Variants in WDR70 observed in about 807,000 individuals in gnomAD.
The protein encoded by WDR70 is WD repeat domain 70.
Under a neutral mutation model 88.6 loss-of-function variants are expected in WDR70, and 53 were observed. The observed-to-expected ratio is 0.60, with a 90% CI of 0.48 to 0.75. The LOEUF (loss-of-function observed/expected upper bound fraction) is 0.75, where lower values mean the gene tolerates loss of function less well. WDR70 is among the 30% of genes least tolerant of loss of function. The pLI is 0.00. For missense variants in WDR70, 610 were observed against 823.2 expected, an observed-to-expected ratio of 0.74 and a Z score of 3.17; for synonymous variants, 280 against 270.0, an observed-to-expected ratio of 1.04 and a Z score of -0.36.
intron 8 of WDR70, chr5:37,506,102 A>G (rs2112231225): frequency 8.4e-7 from 1 of 1,187,702 alleles, no homozygotes; most frequent in African/African-American, 1.5e-5. Context: ...AAAGATTTGC[A>G]TGTGCAAGAT....
At chr5:37,390,487 C>T (rs1475955747) in intron 3 of WDR70, among the ~76,000 whole-genome samples, 9 of 151,434 alleles carry the variant, frequency 5.9e-5, no homozygotes, top group Non-Finnish European at 7.4e-5. Context: ...CTACAGGCGC[C>T]GGCCACTACG....
intron 7 of WDR70, among the ~76,000 whole-genome samples, 155 bp downstream of exon 7, chr5:37,443,527 A>G (rs1364199638): frequency 6.6e-5 from 10 of 152,248 alleles, no homozygotes; most frequent in Non-Finnish European, 1.2e-4. Flanking sequence ...TAAATGAAGT[A>G]AAACGAGCCT....
At chr5:37,649,733 C>CTTTTTTTTT (rs70978834) in intron 10 of WDR70, among the ~76,000 whole-genome samples, 691 of 68,738 alleles carry the variant, frequency 0.01, 72 homozygotes, top group African/African-American at 0.016. Context: ...GTTATTACTT[C>CTTTTTTTTT]TTTTTTTTTT....
At position 37,379,622 on chromosome 5, in the gene WDR70, T is replaced by TCTCC. The variant is rs1748359162; in HGVS notation, c.91+68_91+69insCTCC. 6 of 1,551,202 alleles carry TCTCC rather than the reference T, an allele frequency of 3.9e-6. No individual in the cohort carries two copies. In the East Asian group the frequency reaches 1.4e-4, roughly 35 times the overall value. ...GGTTTGAAGATCCGCAGAGTGGGAG[T>TCTCC]GGAGATCGAGCTGTCAACTCGGAAT... On this transcript the variant is annotated intron_variant, in intron 2 of 17. Transcript: ENST00000265107.
intron 13 of WDR70, among the ~76,000 whole-genome samples, chr5:37,708,790 A>G (rs922405398): frequency 3.3e-5 from 5 of 152,194 alleles, no homozygotes; most frequent in African/African-American, 1.2e-4. Flanking sequence ...GTCCTCAGAA[A>G]TGGCTTTGGA....
chr5:37,513,617 A>G (rs1383928745), intron 8 of WDR70, among the ~76,000 whole-genome samples: 1 of 152,212 alleles, frequency 6.6e-6, no homozygotes, highest in Non-Finnish European at 1.5e-5. Context: ...AGGTCCCACA[A>G]TAGGCTGTAT....
chr5:37,569,152 G>C (rs1742829051), intron 9 of WDR70, among the ~76,000 whole-genome samples: 1 of 152,214 alleles, frequency 6.6e-6, no homozygotes, highest in Non-Finnish European at 1.5e-5. Flanking sequence ...GCAGAATTAT[G>C]AGAAAGCATA....
intron 10 of WDR70, among the ~76,000 whole-genome samples, chr5:37,686,084 G>T (rs181141219): frequency 6.6e-6 from 1 of 152,076 alleles, no homozygotes; most frequent in African/African-American, 2.4e-5. Context: ...CGGGAAGATC[G>T]CTTGAGCCCA....
intron 13 of WDR70, among the ~76,000 whole-genome samples, chr5:37,708,340 T>C (rs12189078): frequency 0.24 from 36,992 of 151,566 alleles, 5,136 homozygotes; most frequent in Admixed American, 0.38. Context: ...AAAGTATATA[T>C]TGTGGAAATG....
chr5:37,599,617 C>T (rs1391702935), intron 9 of WDR70, among the ~76,000 whole-genome samples: 3 of 152,148 alleles, frequency 2.0e-5, no homozygotes, highest in African/African-American at 4.8e-5. Flanking sequence ...TGGGGCCGGG[C>T]GTGGTGGCTC....
intron 7 of WDR70, among the ~76,000 whole-genome samples, chr5:37,457,386 G>A (rs1345611910): frequency 6.6e-6 from 1 of 152,168 alleles, no homozygotes; most frequent in Non-Finnish European, 1.5e-5. Context: ...GTGAGCCACT[G>A]CACCCAGCCA....
At chr5:37,417,502 G>C (rs1431305884) in intron 5 of WDR70, among the ~76,000 whole-genome samples, 1 of 149,942 alleles carries the variant, frequency 6.7e-6, no homozygotes, top group Non-Finnish European at 1.5e-5. Context: ...TAGGATTACA[G>C]GTATGAGTCA....
chr5:37,595,404 A>G (rs1034497977), intron 9 of WDR70, among the ~76,000 whole-genome samples: 1 of 152,196 alleles, frequency 6.6e-6, no homozygotes, highest in African/African-American at 2.4e-5. Flanking sequence ...TAGTATTTAT[A>G]CATTGAAAAC....
chr5:37,695,076 G>T (rs1460937903), intron 10 of WDR70, among the ~76,000 whole-genome samples: 1 of 152,244 alleles, frequency 6.6e-6, no homozygotes, highest in East Asian at 1.9e-4. Flanking sequence ...CTGGCATCTG[G>T]TTGGCTTGTG....
intron 10 of WDR70, among the ~76,000 whole-genome samples, chr5:37,614,669 C>G (rs1237248842): frequency 6.6e-6 from 1 of 152,118 alleles, no homozygotes; most frequent in African/African-American, 2.4e-5. Context: ...TGAGTAGTTG[C>G]AACAGAGTAT....
intron 10 of WDR70, among the ~76,000 whole-genome samples, chr5:37,678,916 A>C (rs2112611901): frequency 6.6e-6 from 1 of 152,136 alleles, no homozygotes. Context: ...TATTTCTTGG[A>C]GGCTTTGTTC....
chr5:37,416,583 CTTTT>C (rs766896054), intron 5 of WDR70, among the ~76,000 whole-genome samples: 1 of 129,186 alleles, frequency 7.7e-6, no homozygotes. Context: ...GAGAGGGCTT[CTTTT>C]TTTTTTTTTT....
intron 9 of WDR70, among the ~76,000 whole-genome samples, chr5:37,593,303 C>A (rs926595271): frequency 6.6e-6 from 1 of 152,136 alleles, no homozygotes; most frequent in Non-Finnish European, 1.5e-5. Flanking sequence ...GCTATCCCTC[C>A]CCCTGCTCCC....
chr5:37,437,741 T>C (rs1310206104), intron 5 of WDR70, among the ~76,000 whole-genome samples, 181 bp from the exon 6 acceptor site: 2 of 152,128 alleles, frequency 1.3e-5, no homozygotes, highest in Non-Finnish European at 2.9e-5. Context: ...AGAGACCCAT[T>C]GTAGTGTATC....
Sources: allele counts gnomAD v4.1 joint callset (sites outside exome capture counted in the v4.1 genomes callset), GRCh38; gene constraint gnomAD v4.1.1; transcripts MANE v1.5; gene names NCBI Gene and HGNC (gene_info 2026-07-23, HGNC 2026-07-21).